The following VPS13B variants were observed in gnomAD, a reference collection of about 807,000 sequenced individuals.
VPS13B encodes vacuolar protein sorting 13 homolog B, also known as intermembrane lipid transfer protein VPS13B.
A neutral mutation model predicts 426.4 loss-of-function variants in VPS13B; 285 were observed. That is an observed-to-expected ratio of 0.67 (90% CI 0.61 to 0.74). The LOEUF (loss-of-function observed/expected upper bound fraction) is 0.74. VPS13B is among the 30% of genes least tolerant of loss of function. The pLI is 0.00. For missense variants in VPS13B, 4,537 were observed against 4,782.6 expected, an observed-to-expected ratio of 0.95 and a Z score of 1.51; for synonymous variants, 1,676 against 1,676.4, an observed-to-expected ratio of 1.00 and a Z score of 0.01.
intron 16 of VPS13B, among the ~76,000 whole-genome samples, chr8:99,192,059 T>C (rs1217428540): frequency 6.6e-6 from 1 of 152,194 alleles, no homozygotes; most frequent in Non-Finnish European, 1.5e-5. Context: ...ATTTTTGTTT[T>C]ATTGTTCTTC....
At chr8:99,808,111 A>G (rs975911427) in intron 43 of VPS13B, among the ~76,000 whole-genome samples, 1 of 152,082 alleles carries the variant, frequency 6.6e-6, no homozygotes, top group African/African-American at 2.4e-5. Context: ...TATTCTGTCT[A>G]CTAATTGGGA....
At chr8:99,757,532 G>A (rs973911670) in intron 39 of VPS13B, among the ~76,000 whole-genome samples, 9 of 152,146 alleles carry the variant, frequency 5.9e-5, no homozygotes, top group African/African-American at 1.2e-4. Flanking sequence ...CAGCCCCTGC[G>A]CAAAGAAATC....
intron 43 of VPS13B, among the ~76,000 whole-genome samples, chr8:99,790,916 A>C (rs1264927370): frequency 2.0e-5 from 3 of 152,174 alleles, no homozygotes; most frequent in Non-Finnish European, 4.4e-5. Context: ...AGGGGGAAGT[A>C]GGCTAAGGCC....
At chr8:99,554,852 A>T (rs1824470754) in intron 30 of VPS13B, among the ~76,000 whole-genome samples, 1 of 152,032 alleles carries the variant, frequency 6.6e-6, no homozygotes, top group Non-Finnish European at 1.5e-5. Context: ...CTTTACCTTA[A>T]GGCAAATTGA....
chr8:99,281,590 G>T (rs1218869195), intron 19 of VPS13B, among the ~76,000 whole-genome samples: 1 of 152,190 alleles, frequency 6.6e-6, no homozygotes. Flanking sequence ...CATCACCTCT[G>T]TGAGACTTGT....
At chr8:99,324,165 C>T (rs1810123273) in intron 19 of VPS13B, among the ~76,000 whole-genome samples, 1 of 152,144 alleles carries the variant, frequency 6.6e-6, no homozygotes, top group South Asian at 2.1e-4. Context: ...TTTCTGAAAC[C>T]TAGGCTTAGA....
chr8:99,204,046 G>A (rs1226420341), intron 17 of VPS13B, among the ~76,000 whole-genome samples: 2 of 152,132 alleles, frequency 1.3e-5, no homozygotes, highest in East Asian at 3.9e-4. Context: ...GGCCTGTATA[G>A]CCAAGACAAT....
intron 37 of VPS13B, among the ~76,000 whole-genome samples, chr8:99,719,692 A>G (rs1242651982): frequency 1.3e-5 from 2 of 152,186 alleles, no homozygotes; most frequent in African/African-American, 4.8e-5. Flanking sequence ...GTTATAGACT[A>G]ATATTACTCA....
chr8:99,635,577 TC>T (rs1443333700), intron 33 of VPS13B, among the ~76,000 whole-genome samples: 3 of 152,020 alleles, frequency 2.0e-5, no homozygotes, highest in Admixed American at 6.6e-5. Context: ...ATGCTGAATT[TC>T]CTTTTCTTGT....
intron 19 of VPS13B, among the ~76,000 whole-genome samples, chr8:99,324,670 G>A (rs536866054): frequency 6.6e-6 from 1 of 152,116 alleles, no homozygotes; most frequent in Admixed American, 6.6e-5. Flanking sequence ...AATTTAAAGG[G>A]TATCAATTGT....
At chr8:99,249,452 A>C (rs1478412897) in intron 17 of VPS13B, among the ~76,000 whole-genome samples, 1 of 121,342 alleles carries the variant, frequency 8.2e-6, no homozygotes, top group Non-Finnish European at 1.7e-5. Flanking sequence ...TTTGAGATGG[A>C]GTCTTGCTTT....
intron 21 of VPS13B, among the ~76,000 whole-genome samples, chr8:99,416,208 T>A (rs578146479): frequency 1.3e-5 from 2 of 152,296 alleles, no homozygotes; most frequent in Admixed American, 1.3e-4. Context: ...TGGCTTTGTT[T>A]ACACTGTGTG....
At chr8:99,659,219 T>G (rs979910720) in intron 34 of VPS13B, among the ~76,000 whole-genome samples, 7 of 152,188 alleles carry the variant, frequency 4.6e-5, no homozygotes, top group Non-Finnish European at 1.0e-4. Context: ...TTTTAATGTT[T>G]GTATTTTTAA....
At chr8:99,356,919 A>G (rs1262022220) in intron 19 of VPS13B, among the ~76,000 whole-genome samples, 1 of 151,992 alleles carries the variant, frequency 6.6e-6, no homozygotes, top group Non-Finnish European at 1.5e-5. Flanking sequence ...CTTTGTATTT[A>G]TCCTTTATCT....
chr8:99,579,460 C>A (rs939602275), intron 33 of VPS13B, among the ~76,000 whole-genome samples: 2 of 151,880 alleles, frequency 1.3e-5, no homozygotes, highest in Non-Finnish European at 2.9e-5. Context: ...TGCAGTAGTG[C>A]GATCTCAGCC....
intron 8 of VPS13B, among the ~76,000 whole-genome samples, chr8:99,124,536 G>A (rs1848097834): frequency 6.6e-6 from 1 of 152,120 alleles, no homozygotes; most frequent in Non-Finnish European, 1.5e-5. Context: ...ATCAGTGGAT[G>A]AATGAATAAA....
Position 99,389,904 on chromosome 8 carries a change from C to T in VPS13B, c.2935-1653C>T, listed in dbSNP as rs557261649. ...GTATAAGAGGTTTTCTAGTCCACCC[C>T]CCCTCCTTATGTTTTAGATGAGGAA... is the stretch of plus-strand genomic sequence containing the variant. On this transcript the variant is annotated intron_variant, in intron 20 of 61. Transcript: ENST00000357162. Among the ~76,000 whole-genome samples the T allele has an allele frequency of 2.0e-5, 3 of 151,926 alleles. No individual in the cohort carries two copies. The East Asian group carries it at 5.8e-4, about 29-fold the overall frequency.
At chr8:99,136,232 A>G (rs1377973476) in intron 11 of VPS13B, among the ~76,000 whole-genome samples, 1 of 152,126 alleles carries the variant, frequency 6.6e-6, no homozygotes, top group Non-Finnish European at 1.5e-5. Flanking sequence ...CATTGTTAAA[A>G]TATTTAATGT....
chr8:99,813,878 G>C (rs1243679428), intron 44 of VPS13B, among the ~76,000 whole-genome samples: 1 of 152,148 alleles, frequency 6.6e-6, no homozygotes, highest in Admixed American at 6.6e-5. Context: ...TTATGCCTAT[G>C]ATCCCAGCAC....
Sources: gnomAD v4.1 joint callset for allele counts (sites outside exome capture counted in the v4.1 genomes callset) on GRCh38, gnomAD v4.1.1 for gene constraint, MANE v1.5 for transcripts, NCBI Gene and HGNC (gene_info 2026-07-23, HGNC 2026-07-21) for gene names.